The following CNTNAP2 variants were observed in gnomAD, a reference collection of about 807,000 sequenced individuals.
CNTNAP2 encodes the protein contactin associated protein 2.
A neutral mutation model predicts 155.2 loss-of-function variants in CNTNAP2; 98 were observed. The ratio of observed to expected loss-of-function variants is 0.63; its 90% CI spans 0.54 to 0.75. CNTNAP2 has a LOEUF of 0.75. Among genes scored for constraint, CNTNAP2 ranks in the 30% least tolerant of loss-of-function variants. The pLI is 0.00. For missense variants in CNTNAP2, 1,727 were observed against 1,688.1 expected (o/e 1.02, Z -0.40); for synonymous variants, 651 against 631.2 (o/e 1.03, Z -0.47).
In CNTNAP2 at chr7:146,254,794, G is replaced by T. The variant is rs542728601; in HGVS notation, c.97+137821G>T. Among the ~76,000 whole-genome samples the T allele has an allele frequency of 2.6e-5, 4 of 152,172 alleles. No individual in the cohort carries two copies. The South Asian group carries it at 8.3e-4, about 32-fold the overall frequency. On this transcript the variant is annotated intron_variant, in intron 1 of 23. Transcript: ENST00000361727. ...AAGAGAAAAAGATGATCAGAACTCTGAGTTTCAGTGATTTGTCTTGTACCA... is the reference window on the plus strand; with the variant it reads ...AAGAGAAAAAGATGATCAGAACTCTTAGTTTCAGTGATTTGTCTTGTACCA...
intron 15 of CNTNAP2, 146 bp from the exon 16 acceptor site, chr7:148,117,972 G>T: frequency 2.3e-6 from 2 of 862,678 alleles, no homozygotes; most frequent in Non-Finnish European, 3.8e-6. Flanking sequence ...TATTTGTGAG[G>T]ATTTGGTCCA....
In CNTNAP2 at chr7:146,151,670, A is replaced by G. The variant is rs574353083; in HGVS notation, c.97+34697A>G. On this transcript the variant is annotated intron_variant, in intron 1 of 23. Coordinates refer to ENST00000361727, the MANE Select transcript of CNTNAP2 (RefSeq NM_014141.6). ...TATATATATATATATATATATATAT[A>G]TATATATATATGTATATATATATAT... 3.3e-3 allele frequency among the ~76,000 whole-genome samples: 126 copies of G among 37,874 alleles called. 3 individuals carry two copies. Among genetic ancestry groups the G allele is most frequent in the South Asian group, 0.018 (19 of 1,052 alleles). The allele number at this position is 37,874 out of a possible 152,430, so 24.8% of individuals were successfully genotyped here.
chr7:146,549,968 A>G (rs943127493), intron 1 of CNTNAP2, among the ~76,000 whole-genome samples: 10 of 152,088 alleles, frequency 6.6e-5, no homozygotes, highest in Admixed American at 1.3e-4. Flanking sequence ...TGTTGTTATT[A>G]GTCTGATATT....
chr7:147,601,645 ATAT>A (rs745750076), intron 12 of CNTNAP2, among the ~76,000 whole-genome samples: 4,952 of 128,216 alleles, frequency 0.039, 147 homozygotes, highest in African/African-American at 0.066. Flanking sequence ...TTAAAAAAAA[ATAT>A]ATATATATAT....
At chr7:147,084,644 G>A (rs924190615) in intron 4 of CNTNAP2, among the ~76,000 whole-genome samples, 9 of 144,554 alleles carry the variant, frequency 6.2e-5, no homozygotes, top group East Asian at 4.0e-4. Context: ...ACATGTATAC[G>A]TTATACCATA....
intron 4 of CNTNAP2, among the ~76,000 whole-genome samples, chr7:147,087,826 A>C (rs1267879416): frequency 6.6e-6 from 1 of 151,946 alleles, no homozygotes; most frequent in African/African-American, 2.4e-5. Flanking sequence ...AAAATACAAA[A>C]ATTAGCTGGG....
chr7:147,614,942 T>C (rs1289745205), intron 12 of CNTNAP2, among the ~76,000 whole-genome samples: 2 of 151,824 alleles, frequency 1.3e-5, no homozygotes, highest in Non-Finnish European at 2.9e-5. Context: ...CAAACTTGAA[T>C]AACTCAAGTT....
chr7:148,035,793 A>G (rs1229004924), intron 15 of CNTNAP2, among the ~76,000 whole-genome samples: 3 of 152,210 alleles, frequency 2.0e-5, no homozygotes, highest in African/African-American at 4.8e-5. Context: ...AGATGCAGGT[A>G]TGAAACTCCA....
intron 21 of CNTNAP2, among the ~76,000 whole-genome samples, chr7:148,371,711 A>T (rs1056789443): frequency 9.2e-5 from 14 of 152,196 alleles, no homozygotes; most frequent in Admixed American, 7.9e-4. Context: ...TTTCATCATT[A>T]TGCGAATACC....
intron 3 of CNTNAP2, among the ~76,000 whole-genome samples, chr7:147,038,744 A>G (rs1799205706): frequency 6.6e-6 from 1 of 152,060 alleles, no homozygotes. Context: ...TTCATCTATC[A>G]TTTTGTATTT....
intron 3 of CNTNAP2, among the ~76,000 whole-genome samples, chr7:146,843,395 A>G (rs1803780183): frequency 6.6e-6 from 1 of 152,128 alleles, no homozygotes; most frequent in Non-Finnish European, 1.5e-5. Flanking sequence ...CACCCCCGTG[A>G]TCCAATCACC....
Position 148,405,420 on chromosome 7 carries a change from A to ATTTTTTTTTTTTTTTTTTTTTTTTTTT in CNTNAP2, c.3716-3945_3716-3944insTTTTTTTTTTTTTTTTTTTTTTTTTTT, listed in dbSNP as rs36020816. Among the ~76,000 whole-genome samples, 8 of 64,308 alleles carry ATTTTTTTTTTTTTTTTTTTTTTTTTTT rather than the reference A, an allele frequency of 1.2e-4. 3 individuals are homozygous for ATTTTTTTTTTTTTTTTTTTTTTTTTTT. Among genetic ancestry groups the ATTTTTTTTTTTTTTTTTTTTTTTTTTT allele is most frequent in the African/African-American group, 2.4e-4 (3 of 12,654 alleles). The allele number at this position is 64,308 out of a possible 152,430, so 42.2% of individuals were successfully genotyped here. A position where few individuals can be genotyped will look rare whatever the true frequency, so the allele number is the denominator to read the frequency against. On this transcript the variant is annotated intron_variant, in intron 22 of 23. Coordinates refer to ENST00000361727, the MANE Select transcript of CNTNAP2 (RefSeq NM_014141.6). ...TCAAGGGAACCAGATTACCATTGTAATTTTTTTTTTTTTTTTTTTTTTTTT... is the reference window on the plus strand; with the variant it reads ...TCAAGGGAACCAGATTACCATTGTAATTTTTTTTTTTTTTTTTTTTTTTTTTTTTTTTTTTTTTTTTTTTTTTTTTTT...
At chr7:147,285,705 TG>T (rs1443470623) in intron 8 of CNTNAP2, among the ~76,000 whole-genome samples, 2 of 152,076 alleles carry the variant, frequency 1.3e-5, no homozygotes, top group Non-Finnish European at 2.9e-5. Flanking sequence ...ACAGGAACTA[TG>T]TGCCTTTGGG....
In CNTNAP2 at chr7:146,543,135, T is replaced by C. The variant is rs1336896006; in HGVS notation, c.98-231136T>C. On this transcript the variant is annotated intron_variant, in intron 1 of 23. Transcript: ENST00000361727. ...TTACCCAAATGCAACCATTGCACTA[T>C]ACATATACATATATAAACATCATAT... is the stretch of plus-strand genomic sequence containing the variant. Among the ~76,000 whole-genome samples, 3 of 151,946 alleles carry C rather than the reference T, an allele frequency of 2.0e-5. No individual in the cohort carries two copies. In the East Asian group the frequency reaches 5.8e-4, roughly 29 times the overall value.
rs1585131571 is a variant in CNTNAP2 at position 146,872,186 on chromosome 7, T to C, written c.402+32282T>C. Among the ~76,000 whole-genome samples the C allele has an allele frequency of 2.8e-5, 3 of 108,700 alleles. No homozygotes were observed. In the South Asian group the frequency reaches 8.4e-4, roughly 30 times the overall value. 71.3% of individuals were successfully genotyped at this position (108,700 alleles called of 152,430 possible). On this transcript the variant is annotated intron_variant, in intron 3 of 23. Coordinates refer to ENST00000361727, the MANE Select transcript of CNTNAP2 (RefSeq NM_014141.6). ...AATTTTTTTTTTTTTTTTTTTTTTT[T>C]GGTAAATTGAATTCTTCATGGGAAG... is the stretch of plus-strand genomic sequence containing the variant.
chr7:147,562,322 C>T (rs1197781967), intron 12 of CNTNAP2, 65 bp downstream of exon 12: 2 of 1,601,558 alleles, frequency 1.2e-6, no homozygotes, highest in Non-Finnish European at 1.7e-6. Context: ...AGTAGTTCCA[C>T]CAATGGTTTG....
chr7:146,632,060 T>C (rs1316400620), intron 1 of CNTNAP2, among the ~76,000 whole-genome samples: 1 of 152,192 alleles, frequency 6.6e-6, no homozygotes, highest in Non-Finnish European at 1.5e-5. Flanking sequence ...GCAAACAAGG[T>C]AGTCTGGGCT....
chr7:146,128,496 G>A (rs73736892), intron 1 of CNTNAP2, among the ~76,000 whole-genome samples: 3,653 of 152,112 alleles, frequency 0.024, 132 homozygotes, highest in African/African-American at 0.078. Context: ...TTCTACTGCC[G>A]TAAAATACTT....
chr7:146,754,562 C>G (rs576582376), intron 1 of CNTNAP2, among the ~76,000 whole-genome samples: 8,682 of 151,154 alleles, frequency 0.057, 295 homozygotes, highest in Non-Finnish European at 0.077. Context: ...CTGTCTCTCT[C>G]TCTCTCTCTC....
Sources: gnomAD v4.1 joint callset for allele counts (sites outside exome capture counted in the v4.1 genomes callset) on GRCh38, gnomAD v4.1.1 for gene constraint, MANE v1.5 for transcripts, NCBI Gene and HGNC (gene_info 2026-07-23, HGNC 2026-07-21) for gene names.